GRAMD1A: variants seen among roughly 807,000 people sequenced by gnomAD.
GRAMD1A encodes GRAM domain containing 1A.
A neutral mutation model predicts 92.0 loss-of-function variants in GRAMD1A; 50 were observed. The observed-to-expected ratio is 0.54, with a 90% CI of 0.43 to 0.69. The LOEUF (loss-of-function observed/expected upper bound fraction) is 0.69. GRAMD1A is among the 30% of genes least tolerant of loss of function. The pLI is 0.00. For synonymous variants in GRAMD1A, 405 were observed against 403.6 expected, an observed-to-expected ratio of 1.00 and a Z score of -0.04; for missense variants, 819 against 978.9, an observed-to-expected ratio of 0.84 and a Z score of 2.18.
chr19:35,010,077 C>G lies in GRAMD1A; in HGVS notation c.326-15C>G, dbSNP rs377128038. 1 of 1,579,526 alleles carries G rather than the reference C, an allele frequency of 6.3e-7. No homozygotes were observed. Among genetic ancestry groups the G allele is most frequent in the African/African-American group, 1.3e-5 (1 of 74,322 alleles). ...GTGACTTGGGTGTCCTCCTGTCTCT[C>G]CCCGCCCCTCTCAGATTACTCCTGC... On this transcript the variant is annotated splice_polypyrimidine_tract_variant and intron_variant, in intron 4 of 19. Coordinates refer to ENST00000317991, the MANE Select transcript of GRAMD1A (RefSeq NM_020895.5).
intron 1 of GRAMD1A, among the ~76,000 whole-genome samples, chr19:35,003,401 GC>G (rs2014560625): frequency 6.6e-6 from 1 of 152,062 alleles, no homozygotes. Flanking sequence ...GAGTCTCCTC[GC>G]CCCTATAACA....
chr19:34,998,809 G>T (rs182530896), upstream of GRAMD1A, among the ~76,000 whole-genome samples: 13 of 151,312 alleles, frequency 8.6e-5, no homozygotes, highest in East Asian at 3.9e-4. Flanking sequence ...ACGGCGATAG[G>T]GGGGGTGCTG....
upstream of GRAMD1A, chr19:34,996,153 C>CT: frequency 6.5e-7 from 1 of 1,536,130 alleles, no homozygotes; most frequent in South Asian, 1.2e-5. Context: ...GGCCTGGCCT[C>CT]TGAGTCCTGG....
Position 35,021,959 on chromosome 19 carries a change from A to G in GRAMD1A, c.1762A>G (p.Ser588Gly), listed in dbSNP as rs866264275. Residue 588 changes from serine to glycine, a missense_variant, in exon 16 of 20, where the codon AGC becomes GGC. Ser to Gly is a moderately conservative substitution (Grantham distance 56). Around this residue, in one of 3 missense-constraint regions of GRAMD1A, gnomAD observed 577 missense variants for 674.6 expected, o/e 0.86. Coordinates refer to ENST00000317991, the MANE Select transcript of GRAMD1A (RefSeq NM_020895.5). The surrounding 1 kb of genome is among the most constrained non-coding windows in gnomAD (Gnocchi z 5.3). The stretch of plus-strand genomic sequence containing the variant: ...AAGCTGCTCTCCTGCAGGCTCCCTC[A>G]GCTCCCGCTTCTCCGAACCATCTGT... ...RAGIHTSGSL[S>G]SRFSEPSVDQ... The G allele has an allele frequency of 3.7e-6, 6 of 1,614,006 alleles. No individual in the cohort carries two copies. The highest frequency in any genetic ancestry group is 3.3e-4 in the Middle Eastern group (2 of 6,060).
rs746718182 is a variant in GRAMD1A, at chr19:35,014,414, G to A, written c.1069+27G>A. 4.4e-6 allele frequency: 7 copies of A among 1,591,876 alleles called. No individual in the cohort carries two copies. In the East Asian group the frequency reaches 6.7e-5, roughly 15 times the overall value. On this transcript the variant is annotated intron_variant, in intron 10 of 19. Transcript: ENST00000317991. ...TGAGGCAGGCGGGCCCAATTCATTCGCCTCCGGTACTTGCAAGCCTCGCTC... is the reference window on the plus strand; with the variant it reads ...TGAGGCAGGCGGGCCCAATTCATTCACCTCCGGTACTTGCAAGCCTCGCTC...
At chr19:34,997,766 G>A (rs2014101526), upstream of GRAMD1A, among the ~76,000 whole-genome samples, 1 of 152,072 alleles carries the variant, frequency 6.6e-6, no homozygotes, top group Non-Finnish European at 1.5e-5. Context: ...TGTAGAAAAA[G>A]GACAGAAAAG....
At position 35,026,455 on chromosome 19, in the gene GRAMD1A, A is replaced by G. The variant is rs2016447797; in HGVS notation, c.*314A>G. 2.9e-6 allele frequency: 1 copy of G among 343,580 alleles called. No homozygotes were observed. The highest frequency in any genetic ancestry group is 4.2e-5 in the Admixed American group (1 of 23,684). The allele number at this position is 343,580 out of a possible 1,614,324, so 21.3% of individuals were successfully genotyped here. ...TATTTGGGGCCGACAGTGCCCCAAT[A>G]AAGGGTCAGAAGTGGCTGTGGCTGT... On this transcript the variant is annotated 3_prime_UTR_variant, in exon 20 of 20. Transcript: ENST00000317991.
intron 1 of GRAMD1A, among the ~76,000 whole-genome samples, chr19:35,004,574 G>A (rs1267704475): frequency 6.6e-6 from 1 of 152,172 alleles, no homozygotes; most frequent in African/African-American, 2.4e-5. Context: ...TTCAGCGTCA[G>A]GTCCTTGCAG....
At chr19:35,006,959 A>G (rs8102590) in intron 1 of GRAMD1A, among the ~76,000 whole-genome samples, 22,727 of 152,130 alleles carry the variant, frequency 0.15, 2,243 homozygotes, top group African/African-American at 0.28. Flanking sequence ...GGGACTACAA[A>G]TGTGGAGGCC....
chr19:35,025,835 G>C (rs577256292), intron 19 of GRAMD1A, among the ~76,000 whole-genome samples: 11 of 152,222 alleles, frequency 7.2e-5, no homozygotes, highest in African/African-American at 2.6e-4. Flanking sequence ...CTAGGCCATC[G>C]GGGTCACAGG....
At chr19:35,024,715 T>C (rs147661722) in intron 19 of GRAMD1A, among the ~76,000 whole-genome samples, 1,620 of 147,250 alleles carry the variant, frequency 0.011, 20 homozygotes, top group African/African-American at 0.038. Context: ...CGGGGCAGGA[T>C]GGGGTGGGGA....
At chr19:34,995,570 G>GTTTTTT (rs1173583059), upstream of GRAMD1A, among the ~76,000 whole-genome samples, 662 of 80,942 alleles carry the variant, frequency 8.2e-3, 124 homozygotes, top group African/African-American at 0.024. Context: ...TCAGATCACG[G>GTTTTTT]GTTTTTTTTT....
chr19:35,010,287 T>G lies in GRAMD1A; in HGVS notation c.433T>G (p.Ser145Ala). The G allele has an allele frequency of 2.5e-6, 4 of 1,612,616 alleles. No homozygotes were observed. Among genetic ancestry groups the G allele is most frequent in the Non-Finnish European group, 3.4e-6 (4 of 1,178,650 alleles). The change falls in exon 6 of 20, where the codon TCC (serine) becomes GCC (alanine). Residue 145 changes from serine to alanine, a missense_variant. Ser to Ala is a moderately conservative substitution (Grantham distance 99). Coordinates refer to ENST00000317991, the MANE Select transcript of GRAMD1A (RefSeq NM_020895.5). Reference protein sequence around the residue: ...SNIFRWETTISIQLKEVTCLK... With the variant: ...SNIFRWETTIAIQLKEVTCLK... ...TTGACCCTCCTGCTGTCCTCAGATC[T>G]CCATCCAGCTGAAGGAAGTGACATG...
Position 35,000,504 on chromosome 19 carries a change from A to G in GRAMD1A, c.8+18A>G, listed in dbSNP as rs2014274282. The G allele has an allele frequency of 2.4e-6, 3 of 1,232,832 alleles. No individual in the cohort carries two copies. Among genetic ancestry groups the G allele is most frequent in the South Asian group, 5.1e-5 (2 of 38,926 alleles). 76.4% of individuals were successfully genotyped at this position (1,232,832 alleles called of 1,614,324 possible). A position where few individuals can be genotyped will look rare whatever the true frequency, so the allele number is the denominator to read the frequency against. On this transcript the variant is annotated intron_variant, in intron 1 of 19. Transcript: ENST00000317991. This position sits in a 1 kb window ranked among gnomAD's most constrained non-coding sequence, Gnocchi z 4.9. ...ATGTTCGAGTAAGGACCGGGCGACT[A>G]GAGCTCAGGGACCGGGCGCGCGGGG...
upstream of GRAMD1A, chr19:35,000,321 G>A (rs1039611396): frequency 2.8e-6 from 3 of 1,056,730 alleles, no homozygotes; most frequent in South Asian, 8.8e-5. This position sits in a 1 kb window ranked among gnomAD's most constrained non-coding sequence, Gnocchi z 4.9. Context: ...GGCGGCTCCG[G>A]CCTTTTGTGC....
Position 35,021,909 on chromosome 19 carries a change from G to A in GRAMD1A, c.1754-42G>A, listed in dbSNP as rs767457918. ...GGTTGGGGTAGGCGGAGGATCGGGG[G>A]TCCTGGACTGGGCCATCTGACTCCA... On this transcript the variant is annotated intron_variant, in intron 15 of 19. Transcript: ENST00000317991. The surrounding 1 kb of genome is among the most constrained non-coding windows in gnomAD (Gnocchi z 5.3). 5.6e-6 allele frequency: 9 copies of A among 1,611,610 alleles called. No individual in the cohort carries two copies. The highest frequency in any genetic ancestry group is 6.8e-6 in the Non-Finnish European group (8 of 1,178,500).
intron 19 of GRAMD1A, among the ~76,000 whole-genome samples, chr19:35,025,831 C>T (rs1213067846): frequency 6.6e-6 from 1 of 152,112 alleles, no homozygotes; most frequent in Non-Finnish European, 1.5e-5. Flanking sequence ...GAACCTAGGC[C>T]ATCGGGGTCA....
rs2290645 is a variant in GRAMD1A at position 35,021,761 on chromosome 19, C to A, written c.1650C>A (p.Ser550=). Reference sequence around the variant, plus strand: ...GGAAGGATGCCCGGGGCTTGCTATCCGGCCTGCGGCGGCGGAAGCGGCCCC... The same window carrying A: ...GGAAGGATGCCCGGGGCTTGCTATCAGGCCTGCGGCGGCGGAAGCGGCCCC... ...EGGKDARGLL[S]GLRRRKRPLS... Residue 550 remains serine (S), a synonymous_variant, in exon 15 of 20, where the codon TCC becomes TCA. Transcript: ENST00000317991. This position sits in a 1 kb window ranked among gnomAD's most constrained non-coding sequence, Gnocchi z 5.3. The A allele has an allele frequency of 3.2e-5, 51 of 1,613,168 alleles. No individual in the cohort carries two copies. In the South Asian group the frequency reaches 5.6e-4, roughly 18 times the overall value.
chr19:35,022,117 C>G, intron 16 of GRAMD1A, 79 bp downstream of exon 16: 1 of 954,516 alleles, frequency 1.0e-6, no homozygotes, highest in South Asian at 1.5e-5. Context: ...AGTGTGTGGC[C>G]TCTTTGAGCT....
Sources: gnomAD v4.1 joint callset for allele counts (sites outside exome capture counted in the v4.1 genomes callset) on GRCh38, gnomAD v4.1.1 for gene constraint, gnomAD v4.1.1 regional missense constraint, Gnocchi (gnomAD v3.1) non-coding constraint, MANE v1.5 for transcripts, NCBI Gene and HGNC (gene_info 2026-07-23, HGNC 2026-07-21) for gene names.